Variants in KIF26B observed in about 807,000 individuals in gnomAD.
KIF26B encodes the protein kinesin-like protein KIF26B.
Under a neutral mutation model 151.2 loss-of-function variants are expected in KIF26B, and 63 were observed. That is an observed-to-expected ratio of 0.42 (90% CI 0.34 to 0.51). The LOEUF (loss-of-function observed/expected upper bound fraction) is 0.51. KIF26B is among the 20% of genes least tolerant of loss of function. The pLI is 0.07. For synonymous variants in KIF26B, 1,357 were observed against 1,262.1 expected (o/e 1.08, Z -1.59); for missense variants, 2,813 against 2,913.6 (o/e 0.97, Z 0.79).
chr1:245,181,529 CAA>C lies in KIF26B; in HGVS notation c.465+24856_465+24857del, dbSNP rs5782326. ...GTAGTAAAGTTAAAAAAAAAAAAGC[CAA>C]AAAAAAAAATTCTTCCATTATATTA... is the stretch of plus-strand genomic sequence containing the variant. On this transcript the variant is annotated intron_variant, in intron 2 of 14. Coordinates refer to ENST00000407071, the MANE Select transcript of KIF26B (RefSeq NM_018012.4). 4.0e-3 allele frequency among the ~76,000 whole-genome samples: 587 copies of C among 146,570 alleles called. 3 individuals are homozygous for C. Among genetic ancestry groups the C allele is most frequent in the Middle Eastern group, 6.9e-3 (2 of 290 alleles).
intron 2 of KIF26B, among the ~76,000 whole-genome samples, chr1:245,226,331 A>T (rs772551471): frequency 8.5e-5 from 13 of 152,288 alleles, no homozygotes; most frequent in Non-Finnish European, 1.3e-4. Context: ...GCATTGTCTT[A>T]TTCCCTTGTC....
rs114271000 is a variant in KIF26B at position 245,299,693 on chromosome 1, G to C, written c.466-67141G>C. On this transcript the variant is annotated intron_variant, in intron 2 of 14. Transcript: ENST00000407071. Reference sequence around the variant, plus strand: ...AAGGTTGCCCAGCTAACATTGGTCAGAGCTGGATCTGGAGAGCTTATCTGC... The same window carrying C: ...AAGGTTGCCCAGCTAACATTGGTCACAGCTGGATCTGGAGAGCTTATCTGC... Among the ~76,000 whole-genome samples the C allele has an allele frequency of 8.6e-3, 1,314 of 152,324 alleles. 14 individuals carry two copies. Among genetic ancestry groups the C allele is most frequent in the African/African-American group, 0.03 (1,237 of 41,562 alleles).
At position 245,516,102 on chromosome 1, in the gene KIF26B, G is replaced by A. The variant is rs114394904; in HGVS notation, c.1167-24665G>A. On this transcript the variant is annotated intron_variant, in intron 4 of 14. Transcript: ENST00000407071. The surrounding 1 kb of genome is among the most constrained non-coding windows in gnomAD (Gnocchi z 4.2). ...GCTTCTCCCCTGAGTTTGTTTTCAC[G>A]GTGGGACTATCCAGGACTAAAGAGA... 9.3e-3 allele frequency among the ~76,000 whole-genome samples: 1,420 copies of A among 152,222 alleles called. 24 individuals are homozygous for A. The highest frequency in any genetic ancestry group is 0.033 in the African/African-American group (1,367 of 41,526).
At chr1:245,388,380 G>A (rs819883) in intron 3 of KIF26B, among the ~76,000 whole-genome samples, 15,370 of 152,224 alleles carry the variant, frequency 0.1, 945 homozygotes, top group East Asian at 0.29. Context: ...GCACTTGCAG[G>A]ATGCACTTTT....
Position 245,684,373 on chromosome 1 carries a change from G to A in KIF26B, c.2399G>A (p.Arg800Lys), listed in dbSNP as rs931835114. Residue 800 changes from arginine (R) to lysine (K), a missense_variant, in exon 11 of 15, where the codon AGG (arginine) becomes AAG (lysine). Arg to Lys is a conservative substitution (Grantham distance 26). This residue lies in a region of KIF26B where 2,060 missense variants were observed against 2,088.6 expected (regional missense o/e 0.99). Coordinates refer to ENST00000407071, the MANE Select transcript of KIF26B (RefSeq NM_018012.4). ...STIQIASRVL[R>K]MKKKKTKYTS... The stretch of plus-strand genomic sequence containing the variant: ...ATCCAGATTGCATCGAGAGTCTTGA[G>A]GATGAAGAAAAAGAAGACGAAGGTA... 7.4e-6 allele frequency: 12 copies of A among 1,612,464 alleles called. No individual in the cohort carries two copies. In the African/African-American group the frequency reaches 1.6e-4, roughly 22 times the overall value.
intron 2 of KIF26B, among the ~76,000 whole-genome samples, chr1:245,230,555 C>T (rs1486983702): frequency 6.6e-6 from 1 of 152,036 alleles, no homozygotes; most frequent in Non-Finnish European, 1.5e-5. Context: ...CTATCCTGAC[C>T]AACATGGAGA....
In KIF26B at chr1:245,363,932, C is replaced by T. The variant is rs114083429; in HGVS notation, c.466-2902C>T. Among the ~76,000 whole-genome samples the T allele has an allele frequency of 4.4e-3, 676 of 152,242 alleles. 7 individuals carry two copies. The highest frequency in any genetic ancestry group is 0.015 in the African/African-American group (626 of 41,546). ...GTGAGTGGAGGACAGCTGTGAGGAGCGGGAGTTGGTGCTGATTGATGTCTT... is the reference window on the plus strand; with the variant it reads ...GTGAGTGGAGGACAGCTGTGAGGAGTGGGAGTTGGTGCTGATTGATGTCTT... On this transcript the variant is annotated intron_variant, in intron 2 of 14. Transcript: ENST00000407071.
chr1:245,295,322 A>T (rs1216613126), intron 2 of KIF26B, among the ~76,000 whole-genome samples: 1 of 152,188 alleles, frequency 6.6e-6, no homozygotes, highest in Non-Finnish European at 1.5e-5. Context: ...CACAAAATGG[A>T]ACCGGTTGAC....
intron 2 of KIF26B, among the ~76,000 whole-genome samples, chr1:245,178,879 G>A (rs1668856919): frequency 1.3e-5 from 2 of 152,182 alleles, no homozygotes; most frequent in African/African-American, 2.4e-5. Flanking sequence ...GCAGACGGGG[G>A]CTCTGTCCCT....
intron 3 of KIF26B, among the ~76,000 whole-genome samples, chr1:245,394,911 C>T (rs537343664): frequency 1.5e-4 from 23 of 152,062 alleles, no homozygotes; most frequent in African/African-American, 5.1e-4. Flanking sequence ...AGGCTGGTTT[C>T]GAACTCCTGA....
chr1:245,687,392 C>G lies in KIF26B; in HGVS notation c.4409C>G (p.Ser1470Trp). 1 of 1,588,148 alleles carries G rather than the reference C, an allele frequency of 6.3e-7. No homozygotes were observed. Among genetic ancestry groups the G allele is most frequent in the Non-Finnish European group, 8.6e-7 (1 of 1,167,620 alleles). ...MMRCETATGP[S>W]NAETRAEQEQ... ...AGGTGTGAGACTGCCACGGGCCCCTCGAATGCTGAGACCAGAGCAGAGCAG... is the reference window on the plus strand; with the variant it reads ...AGGTGTGAGACTGCCACGGGCCCCTGGAATGCTGAGACCAGAGCAGAGCAG... The change falls in exon 12 of 15, where the codon TCG becomes TGG. Residue 1470 changes from serine (S) to tryptophan (W), a missense_variant. Physicochemically the swap from Ser to Trp is radical, Grantham distance 177. This residue lies in a region of KIF26B where 2,060 missense variants were observed against 2,088.6 expected (regional missense o/e 0.99). Coordinates refer to ENST00000407071, the MANE Select transcript of KIF26B (RefSeq NM_018012.4). This position sits in a 1 kb window ranked among gnomAD's most constrained non-coding sequence, Gnocchi z 4.9.
At chr1:245,225,245 A>G (rs939234012) in intron 2 of KIF26B, among the ~76,000 whole-genome samples, 2 of 152,222 alleles carry the variant, frequency 1.3e-5, no homozygotes, top group Non-Finnish European at 2.9e-5. Flanking sequence ...CCAGATGTGT[A>G]CCTGGTGAAG....
chr1:245,513,959 G>A (rs1180994244), intron 4 of KIF26B, among the ~76,000 whole-genome samples: 1 of 152,138 alleles, frequency 6.6e-6, no homozygotes, highest in African/African-American at 2.4e-5. Flanking sequence ...CCTGTGGCAC[G>A]CTGAAAGAAT....
chr1:245,706,413 A>G lies in KIF26B; in HGVS notation c.*3807A>G, dbSNP rs1160829542. 5 of 152,192 alleles carry G rather than the reference A, an allele frequency of 3.3e-5. No homozygotes were observed. In the East Asian group the frequency reaches 9.6e-4, roughly 29 times the overall value. 9.4% of individuals were successfully genotyped at this position (152,192 alleles called of 1,614,324 possible). A position where few individuals can be genotyped will look rare whatever the true frequency, so the allele number is the denominator to read the frequency against. On this transcript the variant is annotated 3_prime_UTR_variant, in exon 15 of 15. Coordinates refer to ENST00000407071, the MANE Select transcript of KIF26B (RefSeq NM_018012.4). ...TTGTTCAATGCAAACACAGCCGTCT[A>G]TATCATTGGCCACTGCTGATTATAT...
intron 2 of KIF26B, among the ~76,000 whole-genome samples, chr1:245,233,655 A>G (rs538867166): frequency 6.6e-6 from 1 of 152,156 alleles, no homozygotes; most frequent in Non-Finnish European, 1.5e-5. Context: ...CTTAAAAAAA[A>G]ATCTCTTAAC....
At chr1:245,452,828 T>C (rs1468724767) in intron 4 of KIF26B, among the ~76,000 whole-genome samples, 1 of 152,194 alleles carries the variant, frequency 6.6e-6, no homozygotes, top group Non-Finnish European at 1.5e-5. Flanking sequence ...ATATTCTGGA[T>C]ACAAACATTT....
intron 3 of KIF26B, among the ~76,000 whole-genome samples, chr1:245,380,786 G>A (rs185271986): frequency 1.2e-3 from 179 of 152,176 alleles, no homozygotes; most frequent in African/African-American, 4.0e-3. Context: ...CACTCCTGAC[G>A]TGATTTCTTT....
Position 245,702,665 on chromosome 1 carries a change from C to A in KIF26B, c.*59C>A. The A allele has an allele frequency of 6.4e-7, 1 of 1,556,378 alleles. No homozygotes were observed. The highest frequency in any genetic ancestry group is 8.7e-7 in the Non-Finnish European group (1 of 1,144,088). On this transcript the variant is annotated 3_prime_UTR_variant, in exon 15 of 15. Coordinates refer to ENST00000407071, the MANE Select transcript of KIF26B (RefSeq NM_018012.4). The surrounding 1 kb of genome is among the most constrained non-coding windows in gnomAD (Gnocchi z 4.1). ...TCCCCAGGACTTCAGAGATGTTGCACGCCCCTAGGCCCTCTGTGCTGGGGC... is the reference window on the plus strand; with the variant it reads ...TCCCCAGGACTTCAGAGATGTTGCAAGCCCCTAGGCCCTCTGTGCTGGGGC...
intron 4 of KIF26B, among the ~76,000 whole-genome samples, chr1:245,451,256 G>A (rs1275413291): frequency 6.6e-6 from 1 of 151,908 alleles, no homozygotes; most frequent in Admixed American, 6.6e-5. Context: ...TACTTTAATT[G>A]TATTTTATGT....
Sources: gnomAD v4.1 joint callset for allele counts (sites outside exome capture counted in the v4.1 genomes callset) on GRCh38, gnomAD v4.1.1 for gene constraint, gnomAD v4.1.1 regional missense constraint, Gnocchi (gnomAD v3.1) non-coding constraint, MANE v1.5 for transcripts, NCBI Gene and HGNC (gene_info 2026-07-23, HGNC 2026-07-21) for gene names.